Variants in VTI1A observed in about 807,000 individuals in gnomAD.
The protein encoded by VTI1A is vesicle transport through interaction with t-SNAREs homolog 1A.
A neutral mutation model predicts 34.9 loss-of-function variants in VTI1A; 22 were observed. That is an observed-to-expected ratio of 0.63 (90% CI 0.45 to 0.90). The LOEUF (loss-of-function observed/expected upper bound fraction) is 0.90, where lower values mean the gene tolerates loss of function less well. VTI1A is among the 40% of genes least tolerant of loss of function. The pLI is 0.00. For missense variants in VTI1A, 268 were observed against 275.6 expected (o/e 0.97, Z 0.20); for synonymous variants, 87 against 97.3 (o/e 0.89, Z 0.62).
intron 7 of VTI1A, among the ~76,000 whole-genome samples, chr10:112,787,849 A>G (rs1401341006): frequency 2.0e-5 from 3 of 150,822 alleles, no homozygotes; most frequent in Non-Finnish European, 4.4e-5. Flanking sequence ...TTACAGTCAC[A>G]TGACACCACA....
chr10:112,599,353 G>A (rs185097156), intron 5 of VTI1A, among the ~76,000 whole-genome samples: 179 of 152,294 alleles, frequency 1.2e-3, no homozygotes, highest in African/African-American at 4.1e-3. Context: ...CAATTGGACA[G>A]ACCTGCTTTT....
intron 5 of VTI1A, among the ~76,000 whole-genome samples, chr10:112,656,568 A>G (rs536379130): frequency 1.6e-5 from 2 of 127,608 alleles, no homozygotes; most frequent in African/African-American, 6.0e-5. Flanking sequence ...CCTGCATTGC[A>G]TTGCCCAGGC....
At chr10:112,832,704 A>G in the VTI1A span, among the ~76,000 whole-genome samples, 1 of 152,080 alleles carries the variant, frequency 6.6e-6, no homozygotes, top group Non-Finnish European at 1.5e-5. Flanking sequence ...AGAGAATCTC[A>G]CTCATTATAG....
chr10:112,526,843 T>A (rs974033932), intron 3 of VTI1A, among the ~76,000 whole-genome samples: 15 of 152,216 alleles, frequency 9.9e-5, no homozygotes, highest in Non-Finnish European at 1.8e-4. Context: ...CAAGTTCAGA[T>A]GCGTTTATGA....
At chr10:112,627,659 A>G (rs1374114787) in intron 5 of VTI1A, among the ~76,000 whole-genome samples, 2 of 152,166 alleles carry the variant, frequency 1.3e-5, no homozygotes, top group Non-Finnish European at 2.9e-5. Context: ...ATACATGTGC[A>G]TATATTCATA....
intron 7 of VTI1A, among the ~76,000 whole-genome samples, chr10:112,671,144 G>A (rs1395056073): frequency 2.0e-5 from 3 of 152,124 alleles, no homozygotes; most frequent in Non-Finnish European, 4.4e-5. Context: ...GTAGAGGCAG[G>A]GTTTATGTAC....
At chr10:112,715,126 A>G (rs952596415) in intron 7 of VTI1A, among the ~76,000 whole-genome samples, 22 of 152,122 alleles carry the variant, frequency 1.4e-4, no homozygotes, top group Admixed American at 1.4e-3. Flanking sequence ...GTAATTTGGT[A>G]TGTAACGATG....
chr10:112,530,994 G>C (rs1332181615), intron 4 of VTI1A, among the ~76,000 whole-genome samples: 1 of 151,290 alleles, frequency 6.6e-6, no homozygotes, highest in Admixed American at 6.6e-5. Flanking sequence ...ATCTGTATGC[G>C]AACAGAGACA....
the VTI1A span, among the ~76,000 whole-genome samples, chr10:112,835,341 T>C: frequency 6.6e-6 from 1 of 152,222 alleles, no homozygotes; most frequent in East Asian, 1.9e-4. Context: ...GAAAAGAGAA[T>C]TAAGAGCTTG....
chr10:112,763,975 A>G (rs1011272280), intron 7 of VTI1A, among the ~76,000 whole-genome samples: 3 of 152,166 alleles, frequency 2.0e-5, no homozygotes, highest in Non-Finnish European at 2.9e-5. Flanking sequence ...GCATCCCAAG[A>G]ATATGTACAG....
chr10:112,652,666 G>A (rs1847079542), intron 5 of VTI1A, among the ~76,000 whole-genome samples: 1 of 143,862 alleles, frequency 7.0e-6, no homozygotes, highest in South Asian at 2.4e-4. Context: ...GGTCAAGGCT[G>A]CAGTGAGCCG....
intron 5 of VTI1A, among the ~76,000 whole-genome samples, chr10:112,657,071 C>T (rs1181705478): frequency 1.3e-5 from 2 of 152,112 alleles, no homozygotes; most frequent in Admixed American, 6.5e-5. Flanking sequence ...CTGAGGCCTC[C>T]CTGGAAGAAG....
intron 7 of VTI1A, among the ~76,000 whole-genome samples, chr10:112,703,391 A>T (rs1849076188): frequency 6.6e-6 from 1 of 152,144 alleles, no homozygotes; most frequent in Admixed American, 6.5e-5. Flanking sequence ...AACATGGAGA[A>T]ACCCCATCTC....
intron 5 of VTI1A, among the ~76,000 whole-genome samples, chr10:112,658,622 G>A (rs890870392): frequency 2.0e-5 from 3 of 152,032 alleles, no homozygotes; most frequent in Admixed American, 6.6e-5. Context: ...GAATATATAA[G>A]CAAAGAGTCA....
intron 5 of VTI1A, among the ~76,000 whole-genome samples, chr10:112,570,402 A>T (rs78601482): frequency 0.041 from 6,204 of 152,290 alleles, 194 homozygotes; most frequent in Non-Finnish European, 0.06. Context: ...TAATATTGGC[A>T]TTCTAGTAGT....
intron 7 of VTI1A, among the ~76,000 whole-genome samples, chr10:112,681,678 A>G (rs1848222388): frequency 6.6e-6 from 1 of 152,170 alleles, no homozygotes; most frequent in Non-Finnish European, 1.5e-5. Context: ...TAATATTGCA[A>G]ATTTTCACAC....
chr10:112,591,809 C>T (rs1295645220), intron 5 of VTI1A, among the ~76,000 whole-genome samples: 2 of 152,196 alleles, frequency 1.3e-5, no homozygotes, highest in African/African-American at 2.4e-5. Context: ...CTTTACATTA[C>T]ATGCCAAAAG....
At chr10:112,841,282 T>C in the VTI1A span, among the ~76,000 whole-genome samples, 12 of 152,274 alleles carry the variant, frequency 7.9e-5, no homozygotes, top group Admixed American at 2.0e-4. Flanking sequence ...GTAAGTGACA[T>C]TCTATCACAA....
intron 7 of VTI1A, among the ~76,000 whole-genome samples, chr10:112,803,774 A>C (rs547959062): frequency 6.6e-5 from 10 of 152,370 alleles, no homozygotes; most frequent in African/African-American, 2.2e-4. Context: ...TCTAAAAAAA[A>C]TAAAATAAAA....
Sources: allele counts gnomAD v4.1 joint callset (sites outside exome capture counted in the v4.1 genomes callset), GRCh38; gene constraint gnomAD v4.1.1; transcripts MANE v1.5; gene names NCBI Gene and HGNC (gene_info 2026-07-23, HGNC 2026-07-21).